Variants in SUPT3H observed in about 807,000 individuals in gnomAD.
The protein encoded by SUPT3H is transcription initiation protein SPT3 homolog.
SUPT3H carries 44 observed loss-of-function variants against 44.3 expected under a neutral mutation model. The observed-to-expected ratio is 0.99, with a 90% CI of 0.78 to 1.28. The LOEUF (loss-of-function observed/expected upper bound fraction) is 1.28. Among genes scored for constraint, SUPT3H ranks in the 50% most tolerant of loss-of-function variants. The pLI is 0.00. For missense variants in SUPT3H, 380 were observed against 387.1 expected (o/e 0.98, Z 0.15); for synonymous variants, 124 against 125.6 (o/e 0.99, Z 0.09).
At chr6:45,286,360 G>A (rs972370067) in intron 2 of SUPT3H, among the ~76,000 whole-genome samples, 2 of 151,946 alleles carry the variant, frequency 1.3e-5, no homozygotes, top group African/African-American at 2.4e-5. Flanking sequence ...GACAAAGGGC[G>A]AATATCTAGA....
At chr6:45,341,698 CAGAT>C (rs1789814637) in intron 2 of SUPT3H, among the ~76,000 whole-genome samples, 1 of 152,058 alleles carries the variant, frequency 6.6e-6, no homozygotes, top group African/African-American at 2.4e-5. Context: ...TACGGAATAA[CAGAT>C]AGTTAAAAGT....
At chr6:45,126,229 T>G (rs1351559167) in intron 2 of SUPT3H, among the ~76,000 whole-genome samples, 1 of 152,200 alleles carries the variant, frequency 6.6e-6, no homozygotes, top group Non-Finnish European at 1.5e-5. Context: ...TCCCATTTAA[T>G]AATGTGGCTG....
chr6:45,024,536 C>T (rs1423610712), intron 3 of SUPT3H, among the ~76,000 whole-genome samples: 1 of 152,150 alleles, frequency 6.6e-6, no homozygotes, highest in African/African-American at 2.4e-5. Context: ...GAATGATTCA[C>T]ATATTTTCCC....
chr6:45,028,610 T>C (rs1054166820), intron 3 of SUPT3H, among the ~76,000 whole-genome samples: 1 of 152,106 alleles, frequency 6.6e-6, no homozygotes, highest in Non-Finnish European at 1.5e-5. Context: ...CACTCGTTTT[T>C]TATGCTAACA....
rs966046890 is a variant in SUPT3H at position 45,097,778 on chromosome 6, A to C, written c.186+8144T>G. 2.2e-4 allele frequency: 33 copies of C among 152,268 alleles called. 1 individual carries two copies. Among genetic ancestry groups the C allele is most frequent in the African/African-American group, 8.0e-4 (33 of 41,466 alleles). The allele number at this position is 152,268 out of a possible 1,614,324, so 9.4% of individuals were successfully genotyped here. On this transcript the variant is annotated intron_variant, in intron 3 of 10. Coordinates refer to ENST00000371459, the MANE Select transcript of SUPT3H (RefSeq NM_003599.4). ...TGTGCAAAAAGACATACAGGTTTTT[A>C]TAAACTGAAAGTCTGCCCTTGTATC...
rs150384922 is a variant in SUPT3H at position 45,240,796 on chromosome 6, A to G, written c.101+124405T>C. 1.1e-4 allele frequency among the ~76,000 whole-genome samples: 16 copies of G among 152,336 alleles called. No homozygotes were observed. In the East Asian group the frequency reaches 2.9e-3, roughly 28 times the overall value. On this transcript the variant is annotated intron_variant, in intron 2 of 10. Transcript: ENST00000371459. ...AACATGGTGGTATAGAGGCACCTCAACCTCAGATGATATGCCTGCTGTAGG... is the reference window on the plus strand; with the variant it reads ...AACATGGTGGTATAGAGGCACCTCAGCCTCAGATGATATGCCTGCTGTAGG...
chr6:45,142,944 A>G (rs1805479894), intron 2 of SUPT3H, among the ~76,000 whole-genome samples: 1 of 151,826 alleles, frequency 6.6e-6, no homozygotes, highest in South Asian at 2.1e-4. Context: ...TAAAGCAACG[A>G]CAATTAAAAA....
intron 3 of SUPT3H, among the ~76,000 whole-genome samples, chr6:45,042,277 G>T: frequency 6.6e-6 from 1 of 152,108 alleles, no homozygotes; most frequent in African/African-American, 2.4e-5. Context: ...AAAAAAATTA[G>T]CTGGGCATTT....
intron 10 of SUPT3H, among the ~76,000 whole-genome samples, chr6:44,886,739 A>G (rs1199648646): frequency 6.6e-6 from 1 of 152,144 alleles, no homozygotes; most frequent in East Asian, 1.9e-4. Flanking sequence ...CTAACATCAT[A>G]ATGACAGGAT....
rs1338035237 is a variant in SUPT3H, at chr6:45,328,196, C to A, written c.101+37005G>T. 9 of 1,039,882 alleles carry A rather than the reference C, an allele frequency of 8.7e-6. No homozygotes were observed. In the East Asian group the frequency reaches 4.8e-4, roughly 55 times the overall value. 64.4% of individuals were successfully genotyped at this position (1,039,882 alleles called of 1,614,324 possible). A position where few individuals can be genotyped will look rare whatever the true frequency, so the allele number is the denominator to read the frequency against. ...GAGAAAGAGCAAGGGGGAAAAGCCA[C>A]AGTGGTAGGCAGTCCCACTTTACTT... On this transcript the variant is annotated intron_variant, in intron 2 of 10. Transcript: ENST00000371459.
chr6:45,245,926 AT>A (rs1473566640), intron 2 of SUPT3H, among the ~76,000 whole-genome samples: 1 of 152,148 alleles, frequency 6.6e-6, no homozygotes, highest in Non-Finnish European at 1.5e-5. Context: ...TAATTTGTCC[AT>A]ATCCTTGCCA....
At chr6:45,054,631 T>G (rs1473111089) in intron 3 of SUPT3H, among the ~76,000 whole-genome samples, 1 of 152,192 alleles carries the variant, frequency 6.6e-6, no homozygotes, top group Non-Finnish European at 1.5e-5. Flanking sequence ...AAATCTTTTC[T>G]GCCACTATGT....
At chr6:44,895,069 TTTTC>T (rs1297054458) in intron 10 of SUPT3H, among the ~76,000 whole-genome samples, 2 of 151,952 alleles carry the variant, frequency 1.3e-5, no homozygotes, top group Non-Finnish European at 1.5e-5. Flanking sequence ...TACTTAAACA[TTTTC>T]TTTAACATTT....
intron 2 of SUPT3H, among the ~76,000 whole-genome samples, chr6:45,147,183 A>G (rs886475439): frequency 1.3e-5 from 2 of 152,142 alleles, no homozygotes; most frequent in African/African-American, 4.8e-5. Flanking sequence ...CTAACCAAGG[A>G]GTCTTCAGTC....
intron 2 of SUPT3H, among the ~76,000 whole-genome samples, chr6:45,348,332 C>A (rs1581781124): frequency 6.6e-6 from 1 of 151,760 alleles, no homozygotes; most frequent in African/African-American, 2.4e-5. Flanking sequence ...AAAAAAAATT[C>A]TCTACCATTA....
At chr6:45,329,044 T>C (rs1365243737) in intron 2 of SUPT3H, among the ~76,000 whole-genome samples, 8 of 152,134 alleles carry the variant, frequency 5.3e-5, no homozygotes, top group Non-Finnish European at 1.0e-4. Flanking sequence ...TCTAGAGTTA[T>C]AGAGGTGAGG....
intron 2 of SUPT3H, among the ~76,000 whole-genome samples, chr6:45,132,351 C>G (rs1803601308): frequency 6.6e-6 from 1 of 152,112 alleles, no homozygotes; most frequent in African/African-American, 2.4e-5. Context: ...TTTACAGTTC[C>G]CTATTCCCTT....
chr6:45,180,759 A>C (rs1303835727), intron 2 of SUPT3H, among the ~76,000 whole-genome samples: 38 of 152,282 alleles, frequency 2.5e-4, no homozygotes, highest in African/African-American at 7.2e-4. Flanking sequence ...TAAAACCATA[A>C]AAACCCTGGA....
At chr6:45,052,162 C>G (rs745354925) in intron 3 of SUPT3H, among the ~76,000 whole-genome samples, 8 of 152,112 alleles carry the variant, frequency 5.3e-5, no homozygotes, top group Non-Finnish European at 1.2e-4. Context: ...GCACAAAAAG[C>G]TCTTTTGAAG....
Sources: allele counts gnomAD v4.1 joint callset (sites outside exome capture counted in the v4.1 genomes callset), GRCh38; gene constraint gnomAD v4.1.1; transcripts MANE v1.5; gene names NCBI Gene and HGNC (gene_info 2026-07-23, HGNC 2026-07-21).